Variants in APBB1IP observed in about 807,000 individuals in gnomAD.
APBB1IP encodes amyloid beta A4 precursor protein-binding family B member 1-interacting protein.
APBB1IP carries 27 observed loss-of-function variants against 64.9 expected under a neutral mutation model. The ratio of observed to expected loss-of-function variants is 0.42; its 90% confidence interval spans 0.31 to 0.57. APBB1IP has a LOEUF of 0.57. Ranked by LOEUF, APBB1IP falls within the 20% of genes least tolerant of loss-of-function variation. The pLI is 0.20. For missense variants in APBB1IP, 812 were observed against 845.5 expected, an observed-to-expected ratio of 0.96 and a Z score of 0.49; for synonymous variants, 392 against 331.0, an observed-to-expected ratio of 1.18 and a Z score of -2.00.
At chr10:26,477,890 C>T (rs1835793244) in intron 2 of APBB1IP, among the ~76,000 whole-genome samples, 1 of 152,156 alleles carries the variant, frequency 6.6e-6, no homozygotes, top group Non-Finnish European at 1.5e-5. Context: ...ATCCAACTAA[C>T]TTTTTAAAAT....
chr10:26,523,010 CAA>C (rs35641109), intron 8 of APBB1IP, among the ~76,000 whole-genome samples: 61 of 64,722 alleles, frequency 9.4e-4, no homozygotes, highest in African/African-American at 1.6e-3. Flanking sequence ...ACTCCATCTC[CAA>C]AAAAAAAAAA....
At chr10:26,473,197 G>T (rs1196089081) in intron 2 of APBB1IP, among the ~76,000 whole-genome samples, 2 of 152,084 alleles carry the variant, frequency 1.3e-5, no homozygotes, top group African/African-American at 2.4e-5. Flanking sequence ...TATATTTCTT[G>T]TTGGTTTATT....
chr10:26,505,667 A>G (rs1836165586), intron 6 of APBB1IP, among the ~76,000 whole-genome samples: 2 of 152,002 alleles, frequency 1.3e-5, no homozygotes, highest in Admixed American at 6.6e-5. Context: ...TTTGTTGCCC[A>G]TTTTGCAAGG....
chr10:26,516,816 C>T (rs190578269), intron 8 of APBB1IP, among the ~76,000 whole-genome samples: 1 of 152,220 alleles, frequency 6.6e-6, no homozygotes, highest in Admixed American at 6.5e-5. Flanking sequence ...TTACTTTATT[C>T]CTTTTGGCAG....
chr10:26,515,492 AGCT>A (rs1249298974), intron 8 of APBB1IP, among the ~76,000 whole-genome samples: 1 of 152,176 alleles, frequency 6.6e-6, no homozygotes, highest in Admixed American at 6.5e-5. Flanking sequence ...AATGACACTG[AGCT>A]ACAAGGAAAG....
At chr10:26,564,130 A>C (rs988307047) in intron 14 of APBB1IP, among the ~76,000 whole-genome samples, 4 of 150,912 alleles carry the variant, frequency 2.7e-5, no homozygotes, top group African/African-American at 7.4e-5. Flanking sequence ...ACTTTATTAG[A>C]AAAAAATTCC....
intron 8 of APBB1IP, among the ~76,000 whole-genome samples, chr10:26,520,929 A>G (rs1588600752): frequency 6.6e-6 from 1 of 152,258 alleles, no homozygotes; most frequent in East Asian, 1.9e-4. Flanking sequence ...TAGATTATCT[A>G]TAATAAATGA....
intron 5 of APBB1IP, among the ~76,000 whole-genome samples, chr10:26,502,092 A>ATGG (rs1836109489): frequency 6.6e-6 from 1 of 152,216 alleles, no homozygotes; most frequent in African/African-American, 2.4e-5. Context: ...GGACTTGTGA[A>ATGG]GCTTTATGGG....
At chr10:26,491,574 A>G (rs1162729992) in intron 2 of APBB1IP, among the ~76,000 whole-genome samples, 1 of 152,208 alleles carries the variant, frequency 6.6e-6, no homozygotes, top group Non-Finnish European at 1.5e-5. Flanking sequence ...GAAAGGTTAA[A>G]ATGTAAAAAA....
rs377669995 is a variant in APBB1IP at position 26,501,600 on chromosome 10, T to C, written c.453+489T>C. 5.9e-5 allele frequency: 10 copies of C among 168,500 alleles called. 1 individual carries two copies. The highest frequency in any genetic ancestry group is 2.4e-4 in the African/African-American group (10 of 42,204). 10.4% of individuals were successfully genotyped at this position (168,500 alleles called of 1,614,324 possible). A position where few individuals can be genotyped will look rare whatever the true frequency, so the allele number is the denominator to read the frequency against. On this transcript the variant is annotated intron_variant, in intron 5 of 14. Transcript: ENST00000376236. ...GTAATGTCATAGTTGGGGAGGGTGT[T>C]ACAAAGCAGGCAGATGATGGGTGCT...
At chr10:26,508,595 A>G (rs546191576) in intron 6 of APBB1IP, among the ~76,000 whole-genome samples, 47 of 150,052 alleles carry the variant, frequency 3.1e-4, no homozygotes, top group Non-Finnish European at 5.1e-4. Flanking sequence ...TAAATCACAT[A>G]ACTGTGATTT....
rs1554779048 is a variant in APBB1IP, at chr10:26,536,116, G to A, written c.943G>A (p.Gly315Arg). Residue 315 changes from glycine to arginine, a missense_variant, in exon 10 of 15, where the codon GGA becomes AGA. This residue lies in a region of APBB1IP where 394 missense variants were observed against 413.1 expected (regional missense o/e 0.95). Transcript: ENST00000376236. ...GTSIIVPELEGALYLKEDGKK... is the reference protein window; with the variant it reads ...GTSIIVPELERALYLKEDGKK... ...ATCTATCATTGTACCAGAACTGGAA[G>A]GAGCTCTTTATTTGAAAGAAGATGG... 6.2e-7 allele frequency: 1 copy of A among 1,606,342 alleles called. No homozygotes were observed. Among genetic ancestry groups the A allele is most frequent in the Non-Finnish European group, 8.5e-7 (1 of 1,177,208 alleles).
intron 3 of APBB1IP, among the ~76,000 whole-genome samples, chr10:26,493,980 G>A (rs1032542096): frequency 3.3e-5 from 5 of 152,032 alleles, no homozygotes; most frequent in African/African-American, 1.2e-4. Context: ...GGGACTACAG[G>A]TGCACGCCAC....
At chr10:26,471,047 T>C (rs1835709965) in intron 2 of APBB1IP, among the ~76,000 whole-genome samples, 1 of 152,170 alleles carries the variant, frequency 6.6e-6, no homozygotes. Flanking sequence ...AATTCTCACC[T>C]TGACCTCATG....
intron 8 of APBB1IP, among the ~76,000 whole-genome samples, chr10:26,526,158 C>A (rs375878622): frequency 6.6e-6 from 1 of 152,158 alleles, no homozygotes; most frequent in Non-Finnish European, 1.5e-5. Context: ...GAATTGAGGA[C>A]TGAGTATGAA....
intron 11 of APBB1IP, among the ~76,000 whole-genome samples, chr10:26,544,570 T>C (rs916692389): frequency 2.6e-5 from 4 of 152,038 alleles, no homozygotes; most frequent in African/African-American, 9.7e-5. Flanking sequence ...GCAGACAGGA[T>C]GAAAGTCTAG....
chr10:26,479,001 T>C (rs1037519616), intron 2 of APBB1IP, among the ~76,000 whole-genome samples: 1 of 152,188 alleles, frequency 6.6e-6, no homozygotes, highest in Non-Finnish European at 1.5e-5. Context: ...TCACAATGAA[T>C]GACCAATTTT....
At chr10:26,494,755 G>A (rs1835998911) in intron 3 of APBB1IP, among the ~76,000 whole-genome samples, 1 of 152,084 alleles carries the variant, frequency 6.6e-6, no homozygotes, top group South Asian at 2.1e-4. Context: ...AACCCAGGAG[G>A]CAGAGATTAT....
chr10:26,493,710 T>C (rs937348653), intron 3 of APBB1IP, among the ~76,000 whole-genome samples: 37 of 152,366 alleles, frequency 2.4e-4, no homozygotes, highest in African/African-American at 8.7e-4. Flanking sequence ...ATCAAGCTCA[T>C]AGTATCCAAA....
Sources: gnomAD v4.1 joint callset for allele counts (sites outside exome capture counted in the v4.1 genomes callset) on GRCh38, gnomAD v4.1.1 for gene constraint, gnomAD v4.1.1 regional missense constraint, MANE v1.5 for transcripts, NCBI Gene and HGNC (gene_info 2026-07-23, HGNC 2026-07-21) for gene names.